Variants in TBC1D15 observed in about 807,000 individuals in gnomAD.
The protein encoded by TBC1D15 is GAP for RAB7.
TBC1D15 carries 39 observed loss-of-function variants against 95.4 expected under a neutral mutation model. That is an observed-to-expected ratio of 0.41 (90% CI 0.32 to 0.53). The LOEUF is 0.53. TBC1D15 is among the 20% of genes least tolerant of loss of function. The pLI, the probability that TBC1D15 is intolerant of heterozygous loss-of-function variation, is 0.29. For missense variants in TBC1D15, 733 were observed against 794.3 expected (o/e 0.92, Z 0.93); for synonymous variants, 258 against 261.3 (o/e 0.99, Z 0.12).
At chr12:71,880,416 G>A (rs1344699693) in intron 3 of TBC1D15, 53 bp from the exon 4 acceptor site, 1 of 1,454,272 alleles carries the variant, frequency 6.9e-7, no homozygotes. Context: ...GATATGGATT[G>A]AAATTAAATT....
intron 1 of TBC1D15, chr12:71,849,569 A>G (rs1413974250): frequency 1.5e-6 from 1 of 672,690 alleles, no homozygotes; most frequent in African/African-American, 1.8e-5. Context: ...GGCTGTCCAG[A>G]TTGATGAAAA....
chr12:71,841,460 C>T (rs553260556), intron 1 of TBC1D15, among the ~76,000 whole-genome samples: 2 of 152,274 alleles, frequency 1.3e-5, no homozygotes, highest in Admixed American at 1.3e-4. Context: ...TGCTCCTCTC[C>T]CAAGTAATAC....
At chr12:71,877,554 TC>T in intron 3 of TBC1D15, among the ~76,000 whole-genome samples, 1 of 134,058 alleles carries the variant, frequency 7.5e-6, no homozygotes, top group Non-Finnish European at 1.5e-5. Context: ...CTTCCTTCCT[TC>T]CTTCCTTTCT....
chr12:71,904,171 T>C (rs1472234556), intron 10 of TBC1D15, among the ~76,000 whole-genome samples: 1 of 152,020 alleles, frequency 6.6e-6, no homozygotes, highest in Non-Finnish European at 1.5e-5. Flanking sequence ...CATCAAAGTT[T>C]GATGTCCTAA....
At chr12:71,922,295 G>A (rs55960569) in intron 16 of TBC1D15, among the ~76,000 whole-genome samples, 1 of 152,162 alleles carries the variant, frequency 6.6e-6, no homozygotes, top group African/African-American at 2.4e-5. Flanking sequence ...ATGTTGGCCA[G>A]GTTGGTCTAG....
intron 5 of TBC1D15, among the ~76,000 whole-genome samples, chr12:71,892,308 T>TA (rs1248340904): frequency 6.6e-6 from 1 of 152,110 alleles, no homozygotes; most frequent in Non-Finnish European, 1.5e-5. Flanking sequence ...GCATTACTGT[T>TA]ACATCCTGTT....
At position 71,910,800 on chromosome 12, in the gene TBC1D15, G is replaced by A. The variant is rs1263137568; in HGVS notation, c.1301-3026G>A. On this transcript the variant is annotated intron_variant, in intron 11 of 16. Transcript: ENST00000485960. ...GATCTAATTAAACTAAAGAGCTTCT[G>A]CACAGCAAAGGAAACTACCATCAGA... 2.0e-5 allele frequency among the ~76,000 whole-genome samples: 3 copies of A among 152,258 alleles called. No individual in the cohort carries two copies. In the South Asian group the frequency reaches 6.2e-4, roughly 32 times the overall value.
chr12:71,889,241 C>T (rs921103966), intron 5 of TBC1D15, among the ~76,000 whole-genome samples: 6 of 152,164 alleles, frequency 3.9e-5, no homozygotes, highest in African/African-American at 1.4e-4. Context: ...GGCTGCTCTT[C>T]TTGGGGAAGG....
At chr12:71,849,909 A>C in intron 1 of TBC1D15, 1 of 564,926 alleles carries the variant, frequency 1.8e-6, no homozygotes, top group Non-Finnish European at 3.5e-6. Context: ...CAGCGTCTTG[A>C]GGATCAGTGG....
intron 1 of TBC1D15, among the ~76,000 whole-genome samples, chr12:71,843,464 T>A (rs1471885947): frequency 6.6e-6 from 1 of 152,148 alleles, no homozygotes; most frequent in Non-Finnish European, 1.5e-5. Context: ...TATCTAGATT[T>A]TCCTGGAGAC....
intron 8 of TBC1D15, 76 bp downstream of exon 8, chr12:71,896,151 T>G: frequency 1.4e-6 from 2 of 1,382,870 alleles, no homozygotes; most frequent in Non-Finnish European, 1.9e-6. Context: ...CGTTACTGTT[T>G]TGGTGTGTTT....
intron 5 of TBC1D15, among the ~76,000 whole-genome samples, chr12:71,887,292 T>C (rs927188739): frequency 1.5e-5 from 2 of 129,814 alleles, no homozygotes; most frequent in African/African-American, 3.1e-5. Context: ...GAATAGAAAA[T>C]ACTATTCTGT....
chr12:71,841,779 C>A (rs888188363), intron 1 of TBC1D15, among the ~76,000 whole-genome samples: 1 of 152,150 alleles, frequency 6.6e-6, no homozygotes, highest in Non-Finnish European at 1.5e-5. Context: ...AGTTATTTTT[C>A]TAATGCGCAA....
chr12:71,917,682 T>C lies in TBC1D15; in HGVS notation c.1402-16T>C, dbSNP rs774390553. The C allele has an allele frequency of 6.5e-7, 1 of 1,531,118 alleles. No individual in the cohort carries two copies. Among genetic ancestry groups the C allele is most frequent in the Non-Finnish European group, 9.0e-7 (1 of 1,108,728 alleles). 94.8% of individuals were successfully genotyped at this position (1,531,118 alleles called of 1,614,324 possible). The stretch of plus-strand genomic sequence containing the variant: ...ATTTATTAAATATTACTTGTAACAA[T>C]TATTTCCTTTTAAAGCATCAGAATT... On this transcript the variant is annotated splice_polypyrimidine_tract_variant and intron_variant, in intron 12 of 16. Transcript: ENST00000485960.
chr12:71,890,159 A>G (rs936938353), intron 5 of TBC1D15, among the ~76,000 whole-genome samples: 2 of 152,194 alleles, frequency 1.3e-5, no homozygotes, highest in Admixed American at 1.3e-4. Flanking sequence ...GAATTCCCAA[A>G]TTTTTAAGTT....
chr12:71,853,107 TGTG>T (rs1328262982), intron 1 of TBC1D15, among the ~76,000 whole-genome samples: 1 of 152,162 alleles, frequency 6.6e-6, no homozygotes, highest in Non-Finnish European at 1.5e-5. Context: ...GTAAAGGAAG[TGTG>T]GTGCTGGCAT....
At chr12:71,910,092 T>A (rs1901812950) in intron 11 of TBC1D15, among the ~76,000 whole-genome samples, 1 of 152,048 alleles carries the variant, frequency 6.6e-6, no homozygotes, top group African/African-American at 2.4e-5. Flanking sequence ...CTAGCCAGTT[T>A]TCCCAGCACC....
intron 10 of TBC1D15, among the ~76,000 whole-genome samples, chr12:71,903,598 G>T (rs1899961175): frequency 6.6e-6 from 1 of 152,152 alleles, no homozygotes; most frequent in African/African-American, 2.4e-5. Flanking sequence ...TTTGACAACA[G>T]AGAAGACATG....
At chr12:71,878,579 G>A (rs527449553) in intron 3 of TBC1D15, among the ~76,000 whole-genome samples, 2 of 151,336 alleles carry the variant, frequency 1.3e-5, no homozygotes, top group South Asian at 2.1e-4. Context: ...GCAGTGGTGC[G>A]ATTTCGGCTC....
Sources: gnomAD v4.1 joint callset for allele counts (sites outside exome capture counted in the v4.1 genomes callset) on GRCh38, gnomAD v4.1.1 for gene constraint, MANE v1.5 for transcripts, NCBI Gene and HGNC (gene_info 2026-07-23, HGNC 2026-07-21) for gene names.